The following ITCH variants were observed in gnomAD, a reference collection of about 807,000 sequenced individuals.
ITCH encodes the protein E3 ubiquitin-protein ligase Itchy homolog.
ITCH carries 28 observed loss-of-function variants against 126.8 expected under a neutral mutation model. The ratio of observed to expected loss-of-function variants is 0.22; its 90% CI spans 0.16 to 0.30. The LOEUF (loss-of-function observed/expected upper bound fraction) is 0.30, where lower values mean the gene tolerates loss of function less well. Among genes scored for constraint, ITCH ranks in the 10% least tolerant of loss-of-function variants. The pLI is 1.00. For missense variants in ITCH, 631 were observed against 1,032.4 expected (o/e 0.61, Z 5.33); for synonymous variants, 342 against 340.0 (o/e 1.01, Z -0.06).
At chr20:34,407,041 G>T (rs2039083419) in intron 3 of ITCH, among the ~76,000 whole-genome samples, 1 of 152,072 alleles carries the variant, frequency 6.6e-6, no homozygotes, top group African/African-American at 2.4e-5. Flanking sequence ...TGGAAATCAT[G>T]GGGTGCTTTG....
chr20:34,484,353 C>G (rs1489620592), intron 20 of ITCH, among the ~76,000 whole-genome samples: 1 of 152,150 alleles, frequency 6.6e-6, no homozygotes, highest in Non-Finnish European at 1.5e-5. Flanking sequence ...TGGTTTTTCC[C>G]TCCATAATTG....
chr20:34,416,589 G>A (rs551686075), intron 6 of ITCH, among the ~76,000 whole-genome samples: 1 of 152,216 alleles, frequency 6.6e-6, no homozygotes. Context: ...TAAAACCATA[G>A]CTAAGGGGAG....
At chr20:34,462,557 C>T (rs1221379895) in intron 14 of ITCH, among the ~76,000 whole-genome samples, 1 of 152,092 alleles carries the variant, frequency 6.6e-6, no homozygotes, top group Non-Finnish European at 1.5e-5. Context: ...ATTACTTATC[C>T]CCCACCCCAT....
intron 11 of ITCH, among the ~76,000 whole-genome samples, chr20:34,447,571 C>G (rs1050427585): frequency 2.0e-5 from 3 of 152,214 alleles, no homozygotes; most frequent in Admixed American, 6.5e-5. Context: ...TGGTCCATGG[C>G]TTAATTGTGC....
At chr20:34,366,824 A>G (rs758934776) in intron 1 of ITCH, among the ~76,000 whole-genome samples, 15 of 152,234 alleles carry the variant, frequency 9.9e-5, no homozygotes, top group Non-Finnish European at 1.6e-4. Context: ...TCAAAAAACA[A>G]AAAAAGAAAG....
intron 24 of ITCH, among the ~76,000 whole-genome samples, chr20:34,507,290 GGTTGTTGTT>G (rs1555887355): frequency 1.4e-5 from 1 of 70,006 alleles, no homozygotes; most frequent in Non-Finnish European, 2.7e-5. Context: ...TTTTTTTTTT[GGTTGTTGTT>G]GTTGTTGTTT....
chr20:34,476,409 G>C lies in ITCH; in HGVS notation c.1570-1363G>C, dbSNP rs562830205. ...GGGACCCGGCGTGGTGCAGCCACCG[G>C]CCGGCCGGGTCGCCGAGGACCGCAG... On this transcript the variant is annotated intron_variant, in intron 16 of 24. Transcript: ENST00000374864. 3.2e-6 allele frequency: 4 copies of C among 1,236,972 alleles called. No individual in the cohort carries two copies. In the East Asian group the frequency reaches 9.8e-5, roughly 30 times the overall value. The allele number at this position is 1,236,972 out of a possible 1,614,324, so 76.6% of individuals were successfully genotyped here.
chr20:34,505,281 T>A (rs894234321), intron 24 of ITCH, among the ~76,000 whole-genome samples: 1 of 152,146 alleles, frequency 6.6e-6, no homozygotes, highest in African/African-American at 2.4e-5. Flanking sequence ...TGATCTCAGG[T>A]GATCCACCCA....
chr20:34,449,308 C>A, intron 11 of ITCH, 103 bp from the exon 12 acceptor site: 1 of 702,812 alleles, frequency 1.4e-6, no homozygotes, highest in Admixed American at 2.2e-5. Context: ...TACAAACTCT[C>A]TGTGTTATAC....
At chr20:34,369,280 C>T (rs2037531677) in intron 1 of ITCH, 114 bp from the exon 2 acceptor site, 1 of 381,722 alleles carries the variant, frequency 2.6e-6, no homozygotes, top group Non-Finnish European at 4.6e-6. Flanking sequence ...TTGGAGTGAG[C>T]CAATATCATG....
intron 2 of ITCH, among the ~76,000 whole-genome samples, chr20:34,378,323 A>C (rs2037922982): frequency 6.6e-6 from 1 of 151,796 alleles, no homozygotes; most frequent in Non-Finnish European, 1.5e-5. Flanking sequence ...ATACCAAAAA[A>C]TTAGCCGGGT....
chr20:34,436,618 C>G (rs1277814201), intron 7 of ITCH, among the ~76,000 whole-genome samples: 2 of 152,144 alleles, frequency 1.3e-5, no homozygotes, highest in Non-Finnish European at 2.9e-5. Flanking sequence ...TTTGGGGAAC[C>G]CCCAAAGTAG....
chr20:34,407,674 C>CA (rs897247295), intron 3 of ITCH, among the ~76,000 whole-genome samples: 2 of 152,204 alleles, frequency 1.3e-5, no homozygotes, highest in Non-Finnish European at 2.9e-5. Context: ...ATGCCATACT[C>CA]ATTTGCCTCT....
chr20:34,475,660 C>T (rs1261276835), intron 16 of ITCH, among the ~76,000 whole-genome samples: 1 of 148,232 alleles, frequency 6.7e-6, no homozygotes, highest in Non-Finnish European at 1.5e-5. Context: ...AGAGGGAGAG[C>T]GAGACCGTGG....
Position 34,372,384 on chromosome 20 carries a change from C to CTTTTTTTTTTTTTTTTTT in ITCH, c.-22+2928_-22+2929insTTTTTTTTTTTTTTTTTT, listed in dbSNP as rs779017298. Among the ~76,000 whole-genome samples, 206 of 93,114 alleles carry CTTTTTTTTTTTTTTTTTT rather than the reference C, an allele frequency of 2.2e-3. 25 individuals carry two copies. The highest frequency in any genetic ancestry group is 4.8e-3 in the African/African-American group (104 of 21,510). 61.1% of individuals were successfully genotyped at this position (93,114 alleles called of 152,430 possible). Reference sequence around the variant, plus strand: ...AGAAACCATGTTATTTTAAGTTCTACTTTTTTTTTTTTTTGAGAGGGAATC... The same window carrying CTTTTTTTTTTTTTTTTTT: ...AGAAACCATGTTATTTTAAGTTCTACTTTTTTTTTTTTTTTTTTTTTTTTTTTTTTTTGAGAGGGAATC... On this transcript the variant is annotated intron_variant, in intron 2 of 24. Transcript: ENST00000374864.
chr20:34,495,287 TAAA>T (rs1989790767), intron 23 of ITCH, among the ~76,000 whole-genome samples: 2 of 68,026 alleles, frequency 2.9e-5, no homozygotes, highest in South Asian at 7.0e-4. Flanking sequence ...AATAAATAAA[TAAA>T]TAAAATATAT....
At chr20:34,409,146 C>CG (rs1978611411) in intron 4 of ITCH, among the ~76,000 whole-genome samples, 1 of 138,028 alleles carries the variant, frequency 7.2e-6, no homozygotes, top group African/African-American at 2.7e-5. Context: ...TACTCCCCCC[C>CG]CCCCCGGTTT....
chr20:34,498,086 G>A (rs1336704759), intron 23 of ITCH, among the ~76,000 whole-genome samples: 1 of 152,052 alleles, frequency 6.6e-6, no homozygotes, highest in East Asian at 1.9e-4. Context: ...GGTTTTTGTT[G>A]TTTGTAGCTA....
chr20:34,467,803 A>C (rs1987226606), intron 14 of ITCH, among the ~76,000 whole-genome samples: 1 of 146,960 alleles, frequency 6.8e-6, no homozygotes, highest in Non-Finnish European at 1.5e-5. Flanking sequence ...CTCCTGCCTC[A>C]GCCTCCTGAT....
Sources: allele counts gnomAD v4.1 joint callset (sites outside exome capture counted in the v4.1 genomes callset), GRCh38; gene constraint gnomAD v4.1.1; transcripts MANE v1.5; gene names NCBI Gene and HGNC (gene_info 2026-07-23, HGNC 2026-07-21).